The following DNAH2 variants were observed in gnomAD, a reference collection of about 807,000 sequenced individuals.
DNAH2 encodes the protein axonemal beta dynein heavy chain 2.
A neutral mutation model predicts 523.5 loss-of-function variants in DNAH2; 323 were observed. That is an observed-to-expected ratio of 0.62 (90% CI 0.56 to 0.68). DNAH2 has a LOEUF of 0.68. Ranked by LOEUF, DNAH2 falls within the 30% of genes least tolerant of loss-of-function variation. DNAH2 has a pLI of 0.00. For missense variants in DNAH2, 4,907 were observed against 5,701.5 expected, an observed-to-expected ratio of 0.86 and a Z score of 4.49; for synonymous variants, 2,093 against 2,177.4, an observed-to-expected ratio of 0.96 and a Z score of 1.08.
Position 7,760,409 on chromosome 17 carries a change from C to A in DNAH2, c.2786-331C>A, listed in dbSNP as rs1190665785. Among the ~76,000 whole-genome samples, 3 of 145,480 alleles carry A rather than the reference C, an allele frequency of 2.1e-5. No homozygotes were observed. Among genetic ancestry groups the A allele is most frequent in the Non-Finnish European group, 3.0e-5 (2 of 66,746 alleles). ...GCCAGACTGGGGAAGGGAGCAGGGG[C>A]TTGGATGGGGGTTGAGATTAGGTGA... On this transcript the variant is annotated intron_variant, in intron 17 of 85. Coordinates refer to ENST00000572933, the MANE Select transcript of DNAH2 (RefSeq NM_020877.5). The surrounding 1 kb of genome is among the most constrained non-coding windows in gnomAD (Gnocchi z 4.0).
Position 7,775,425 on chromosome 17 carries a change from C to CT in DNAH2, c.4821+85dup. On this transcript the variant is annotated intron_variant, in intron 30 of 85. Coordinates refer to ENST00000572933, the MANE Select transcript of DNAH2 (RefSeq NM_020877.5). ...CCTGGGTCGGGCGCAGTGGCTCACA[C>CT]TTGTAATCCCAGCACTTTGGGAGGC... is the stretch of plus-strand genomic sequence containing the variant. 3 of 1,321,326 alleles carry CT rather than the reference C, an allele frequency of 2.3e-6. No individual in the cohort carries two copies. The South Asian group carries it at 3.9e-5, about 17-fold the overall frequency. The allele number at this position is 1,321,326 out of a possible 1,614,324, so 81.9% of individuals were successfully genotyped here. A position where few individuals can be genotyped will look rare whatever the true frequency, so the allele number is the denominator to read the frequency against.
At chr17:7,736,117 G>A (rs1182115407) in intron 7 of DNAH2, among the ~76,000 whole-genome samples, 3 of 151,948 alleles carry the variant, frequency 2.0e-5, no homozygotes, top group Non-Finnish European at 4.4e-5. Context: ...TCAAACTCCT[G>A]GTGATCCTCG....
rs751870023 is a variant in DNAH2 at position 7,796,573 on chromosome 17, T to C, written c.7784T>C (p.Met2595Thr). Residue 2595 changes from methionine to threonine, a missense_variant, in exon 50 of 86, where the codon ATG becomes ACG. By Grantham distance (81) the Met-to-Thr change is moderately conservative (BLOSUM62 -1). Around this residue, in one of 3 missense-constraint regions of DNAH2, gnomAD observed 250 missense variants for 371.3 expected, o/e 0.67. Transcript: ENST00000572933. Reference protein sequence around the residue: ...GNVVTEATLDMYNTVVQRFLP... With the variant: ...GNVVTEATLDTYNTVVQRFLP... ...GTGGTGACAGAGGCCACCCTGGACA[T>C]GTACAACACCGTGGTACAGCGCTTC... 27 of 1,613,470 alleles carry C rather than the reference T, an allele frequency of 1.7e-5. No homozygotes were observed. Among genetic ancestry groups the C allele is most frequent in the South Asian group, 3.3e-5 (3 of 91,042 alleles).
chr17:7,813,119 T>A (rs531517611), intron 63 of DNAH2, among the ~76,000 whole-genome samples: 1 of 152,340 alleles, frequency 6.6e-6, no homozygotes, highest in East Asian at 1.9e-4. Context: ...ATCTTTCATA[T>A]CCTCATGCCC....
At chr17:7,773,692 T>G (rs903924478) in intron 28 of DNAH2, among the ~76,000 whole-genome samples, 1 of 152,234 alleles carries the variant, frequency 6.6e-6, no homozygotes, top group Non-Finnish European at 1.5e-5. Flanking sequence ...TCTTTTTCCT[T>G]CGTCGCAGTT....
chr17:7,793,625 G>A (rs868274741), intron 48 of DNAH2, among the ~76,000 whole-genome samples: 5 of 150,146 alleles, frequency 3.3e-5, no homozygotes, highest in East Asian at 2.0e-4. Context: ...CTGGGGTGCC[G>A]GGTTAATTTT....
At position 7,824,592 on chromosome 17, in the gene DNAH2, G is replaced by C. The variant is rs1218889533; in HGVS notation, c.11718G>C (p.Leu3906=). The C allele has an allele frequency of 6.2e-7, 1 of 1,603,858 alleles. No homozygotes were observed. Among genetic ancestry groups the C allele is most frequent in the Non-Finnish European group, 8.5e-7 (1 of 1,172,862 alleles). The part of the protein sequence containing the change: ...CHLSLSWMPN[L]DKLVEQLQVE... ...TGTCACTGTCTTGGATGCCTAATCTGGACAAGCTGGTGGAGCAGCTGCAGG... is the reference window on the plus strand; with the variant it reads ...TGTCACTGTCTTGGATGCCTAATCTCGACAAGCTGGTGGAGCAGCTGCAGG... Residue 3906 remains leucine, a synonymous_variant, in exon 77 of 86, where the codon CTG becomes CTC. Transcript: ENST00000572933.
rs1467473854 is a variant in DNAH2, at chr17:7,797,806, TC to T, written c.8208del (p.Phe2737SerfsTer88). 6.2e-7 allele frequency: 1 copy of T among 1,613,132 alleles called. No homozygotes were observed. The highest frequency in any genetic ancestry group is 1.1e-5 in the South Asian group (1 of 90,946). On this transcript the variant is annotated frameshift_variant, in exon 53 of 86. Coordinates refer to ENST00000572933, the MANE Select transcript of DNAH2 (RefSeq NM_020877.5). LOFTEE classifies it high-confidence loss of function. ...TCTGTCGTGCCCATGCAGCTAGTGC[TC>T]TTCCGAGAGGCTATTGAACACAGTG... Reference protein sequence around the residue: ...SPSVVPMQLVLFREAIEHITR... With the variant: ...SPSVVPMQLVXFREAIEHITR...
At chr17:7,761,121 G>A (rs1445600701) in intron 18 of DNAH2, among the ~76,000 whole-genome samples, 189 bp downstream of exon 18, 1 of 152,204 alleles carries the variant, frequency 6.6e-6, no homozygotes, top group Non-Finnish European at 1.5e-5. Context: ...GGAAGAGCTG[G>A]ACAGGATTTA....
At chr17:7,817,160 A>C (rs530567333) in intron 64 of DNAH2, 130 bp from the exon 65 acceptor site, 1 of 1,291,680 alleles carries the variant, frequency 7.7e-7, no homozygotes, top group East Asian at 2.5e-5. Context: ...GTCAGGACAC[A>C]CAGGTTTAGG....
intron 3 of DNAH2, 62 bp downstream of exon 3, chr17:7,723,751 A>G: frequency 7.1e-7 from 1 of 1,415,234 alleles, no homozygotes. Context: ...TCAAAGGATC[A>G]GTTGTGGATG....
chr17:7,797,123 T>G, intron 50 of DNAH2, 53 bp from the exon 51 acceptor site: 4 of 1,099,982 alleles, frequency 3.6e-6, no homozygotes, highest in Non-Finnish European at 4.0e-6. Context: ...AAAAAAAAAC[T>G]TCTGGAGGGA....
chr17:7,740,067 G>GC lies in DNAH2; in HGVS notation c.1376+129_1376+130insC, dbSNP rs1026521522. The stretch of plus-strand genomic sequence containing the variant: ...CAGATCGGGATCAGGGCGGTGGCCC[G>GC]GGGGGGGGGACAGGAGAGAGTGCAG... On this transcript the variant is annotated intron_variant, in intron 9 of 85. Coordinates refer to ENST00000572933, the MANE Select transcript of DNAH2 (RefSeq NM_020877.5). 4.4e-5 allele frequency: 21 copies of GC among 475,860 alleles called. No individual in the cohort carries two copies. The African/African-American group carries it at 1.3e-3, about 30-fold the overall frequency. The allele number at this position is 475,860 out of a possible 1,614,324, so 29.5% of individuals were successfully genotyped here.
At chr17:7,762,331 CTTTTTTTTTTT>C (rs35824439) in intron 18 of DNAH2, among the ~76,000 whole-genome samples, 4 of 111,834 alleles carry the variant, frequency 3.6e-5, no homozygotes, top group African/African-American at 1.3e-4. Context: ...CGTAGGATTT[CTTTTTTTTTTT>C]TTTTTTTTTT....
At position 7,833,203 on chromosome 17, in the gene DNAH2, C is replaced by G. The variant is rs370525057; in HGVS notation, c.13111C>G (p.Arg4371Gly). Residue 4371 changes from arginine (R) to glycine (G), a missense_variant, in exon 85 of 86, where the codon CGC (arginine) becomes GGC (glycine). Coordinates refer to ENST00000572933, the MANE Select transcript of DNAH2 (RefSeq NM_020877.5). ...PTIHFRPAES[R>G]KKSAKGMYSC... ...GATCCACTTCCGGCCTGCAGAGAGCCGCAAGAAGAGCGCCAAGGGTGGGAC... is the reference window on the plus strand; with the variant it reads ...GATCCACTTCCGGCCTGCAGAGAGCGGCAAGAAGAGCGCCAAGGGTGGGAC... 6.2e-7 allele frequency: 1 copy of G among 1,607,390 alleles called. No individual in the cohort carries two copies. The highest frequency in any genetic ancestry group is 8.5e-7 in the Non-Finnish European group (1 of 1,179,990).
chr17:7,775,987 T>G lies in DNAH2; in HGVS notation c.4822-37T>G, dbSNP rs1290834558. Reference sequence around the variant, plus strand: ...TGTGGAGGACCTTGGCCGTGCCCCCTCAGGCTGAGCTGCCCTATTCTCCCA... The same window carrying G: ...TGTGGAGGACCTTGGCCGTGCCCCCGCAGGCTGAGCTGCCCTATTCTCCCA... On this transcript the variant is annotated intron_variant, in intron 30 of 85. Transcript: ENST00000572933. The G allele has an allele frequency of 1.9e-6, 3 of 1,610,284 alleles. No homozygotes were observed. In the East Asian group the frequency reaches 6.7e-5, roughly 36 times the overall value.
chr17:7,786,578 T>C lies in DNAH2; in HGVS notation c.6357T>C (p.Pro2119=), dbSNP rs1261917543. 2 of 1,613,718 alleles carry C rather than the reference T, an allele frequency of 1.2e-6. No individual in the cohort carries two copies. Among genetic ancestry groups the C allele is most frequent in the Non-Finnish European group, 1.7e-6 (2 of 1,179,840 alleles). The part of the protein sequence containing the change: ...DPNFNIVREF[P]LNPKALSLGE... The stretch of plus-strand genomic sequence containing the variant: ...TCCGGTGTCATTTTCAGGAGTTCCC[T>C]TTGAACCCCAAGGCATTGTCCCTAG... Residue 2119 remains proline (P), a synonymous_variant, in exon 41 of 86, where the codon CCT becomes CCC. Coordinates refer to ENST00000572933, the MANE Select transcript of DNAH2 (RefSeq NM_020877.5). This position sits in a 1 kb window ranked among gnomAD's most constrained non-coding sequence, Gnocchi z 7.5.
chr17:7,752,987 C>T (rs905254216), intron 12 of DNAH2, among the ~76,000 whole-genome samples: 4 of 152,170 alleles, frequency 2.6e-5, no homozygotes, highest in African/African-American at 4.8e-5. Context: ...TTGCCTGGAG[C>T]GTGGAGCATG....
chr17:7,775,585 T>A (rs1457965887), intron 30 of DNAH2, among the ~76,000 whole-genome samples: 1 of 150,826 alleles, frequency 6.6e-6, no homozygotes, highest in Admixed American at 6.6e-5. Flanking sequence ...CTCGGGAGGC[T>A]GAGGCAGGAG....
Sources: gnomAD v4.1 joint callset for allele counts (sites outside exome capture counted in the v4.1 genomes callset) on GRCh38, gnomAD v4.1.1 for gene constraint, gnomAD v4.1.1 regional missense constraint, Gnocchi (gnomAD v3.1) non-coding constraint, MANE v1.5 for transcripts, NCBI Gene and HGNC (gene_info 2026-07-23, HGNC 2026-07-21) for gene names.